The following TP63 variants were observed in gnomAD, a reference collection of about 807,000 sequenced individuals.
TP63 encodes the protein tumor protein 63.
In TP63, 17 loss-of-function variants were observed where a neutral mutation model predicts 82.8. That is an observed-to-expected ratio of 0.21 (90% CI 0.14 to 0.31). The LOEUF is 0.31. TP63 is among the 10% of genes least tolerant of loss of function. The pLI is 1.00. For missense variants in TP63, 648 were observed against 895.3 expected (o/e 0.72, Z 3.52); for synonymous variants, 330 against 321.7 (o/e 1.03, Z -0.28).
chr3:189,845,943 G>A (rs1005395286), intron 4 of TP63, among the ~76,000 whole-genome samples: 2 of 151,464 alleles, frequency 1.3e-5, no homozygotes, highest in Non-Finnish European at 2.9e-5. Flanking sequence ...AGGCAGGGAG[G>A]GTTTTGATTC....
chr3:189,623,828 A>G, the TP63 span, among the ~76,000 whole-genome samples: 2 of 145,392 alleles, frequency 1.4e-5, no homozygotes, highest in African/African-American at 2.5e-5. Context: ...CTAAAGGTCA[A>G]TTTATTTGGA....
intron 4 of TP63, among the ~76,000 whole-genome samples, chr3:189,857,102 C>T (rs1650567007): frequency 6.6e-6 from 1 of 152,058 alleles, no homozygotes; most frequent in Non-Finnish European, 1.5e-5. Flanking sequence ...TTGCAAGAAT[C>T]AGACTACCTG....
chr3:189,635,877 AATTG>A (rs1284014563), intron 1 of TP63, among the ~76,000 whole-genome samples: 1 of 152,124 alleles, frequency 6.6e-6, no homozygotes, highest in Non-Finnish European at 1.5e-5. Context: ...CTTCCAAAAT[AATTG>A]ATATAGTAAT....
chr3:189,808,390 C>G lies in TP63; in HGVS notation c.443C>G (p.Pro148Arg). 1 of 1,614,146 alleles carries G rather than the reference C, an allele frequency of 6.2e-7. No homozygotes were observed. The highest frequency in any genetic ancestry group is 8.5e-7 in the Non-Finnish European group (1 of 1,180,026). Residue 148 changes from proline (P) to arginine (R), a missense_variant, in exon 4 of 14, where the codon CCC becomes CGC. Physicochemically the swap from Pro to Arg is moderately radical, Grantham distance 103. Coordinates refer to ENST00000264731, the MANE Select transcript of TP63 (RefSeq NM_003722.5). ...HAQNSVTAPSPYAQPSSTFDA... is the reference protein window; with the variant it reads ...HAQNSVTAPSRYAQPSSTFDA... ...CAGAACAGCGTCACGGCGCCCTCGC[C>G]CTACGCACAGCCCAGCTCCACCTTC...
the TP63 span, among the ~76,000 whole-genome samples, chr3:189,610,005 A>G: frequency 6.6e-6 from 1 of 152,166 alleles, no homozygotes; most frequent in Non-Finnish European, 1.5e-5. Context: ...CCAACGGAGT[A>G]TGTGTTCCCT....
At chr3:189,601,565 A>G in the TP63 span, among the ~76,000 whole-genome samples, 2 of 130,056 alleles carry the variant, frequency 1.5e-5, no homozygotes, top group South Asian at 5.1e-4. Context: ...AAGAATCCTC[A>G]TTTTCTTGGA....
chr3:189,681,961 G>A (rs927295750), intron 1 of TP63, among the ~76,000 whole-genome samples: 3 of 152,176 alleles, frequency 2.0e-5, no homozygotes, highest in South Asian at 2.1e-4. Context: ...AGCTGAGCAC[G>A]GTGGCTCATG....
At chr3:189,745,401 A>T (rs1721288584) in intron 3 of TP63, among the ~76,000 whole-genome samples, 2 of 152,120 alleles carry the variant, frequency 1.3e-5, no homozygotes, top group South Asian at 4.1e-4. Flanking sequence ...TACCAAAGAG[A>T]TAGATATCAT....
intron 1 of TP63, among the ~76,000 whole-genome samples, chr3:189,651,460 C>A (rs772137553): frequency 6.9e-6 from 1 of 144,828 alleles, no homozygotes. Flanking sequence ...TCAGGAGAAT[C>A]GGTTGAACCC....
At chr3:189,840,986 T>C (rs1304797956) in intron 4 of TP63, among the ~76,000 whole-genome samples, 1 of 152,018 alleles carries the variant, frequency 6.6e-6, no homozygotes, top group Admixed American at 6.6e-5. Context: ...CTGTTGTAGG[T>C]CAGCAATATT....
At chr3:189,676,143 T>C (rs964370111) in intron 1 of TP63, among the ~76,000 whole-genome samples, 44 of 152,174 alleles carry the variant, frequency 2.9e-4, no homozygotes, top group African/African-American at 1.1e-3. Flanking sequence ...TCTCCTCATA[T>C]ACTTACCATT....
chr3:189,835,623 C>A (rs975441929), intron 4 of TP63, among the ~76,000 whole-genome samples: 6 of 152,058 alleles, frequency 3.9e-5, no homozygotes, highest in African/African-American at 1.4e-4. Flanking sequence ...TTAAAATGTT[C>A]CAAAAAAGTG....
At chr3:189,776,486 A>G (rs549432050) in intron 3 of TP63, among the ~76,000 whole-genome samples, 54 of 152,366 alleles carry the variant, frequency 3.5e-4, no homozygotes, top group African/African-American at 1.3e-3. Flanking sequence ...GCTTTCTATT[A>G]AAGGCTCACA....
At chr3:189,616,566 A>G in the TP63 span, among the ~76,000 whole-genome samples, 2 of 152,202 alleles carry the variant, frequency 1.3e-5, no homozygotes, top group African/African-American at 2.4e-5. Context: ...CATTGCTCAT[A>G]TAACTGCAGT....
chr3:189,652,064 A>T (rs1712940922), intron 1 of TP63, among the ~76,000 whole-genome samples: 1 of 146,556 alleles, frequency 6.8e-6, no homozygotes, highest in African/African-American at 2.6e-5. Flanking sequence ...AGTGGAAGGG[A>T]AATGTGGGGT....
At chr3:189,851,812 G>A (rs142506408) in intron 4 of TP63, among the ~76,000 whole-genome samples, 4 of 152,066 alleles carry the variant, frequency 2.6e-5, no homozygotes, top group African/African-American at 4.8e-5. Flanking sequence ...AGGCCACCCC[G>A]TGAAGGTGAA....
At chr3:189,749,240 G>A (rs974700247) in intron 3 of TP63, among the ~76,000 whole-genome samples, 2 of 151,890 alleles carry the variant, frequency 1.3e-5, no homozygotes, top group African/African-American at 2.4e-5. Context: ...GCAATTAATA[G>A]AACAAAGAAA....
intron 3 of TP63, among the ~76,000 whole-genome samples, chr3:189,759,629 G>A (rs762405332): frequency 6.6e-6 from 1 of 152,190 alleles, no homozygotes. Flanking sequence ...CGGGTCATAG[G>A]TGGACTCAAA....
intron 4 of TP63, chr3:189,829,835 CT>C (rs1384983891): frequency 3.0e-5 from 9 of 302,540 alleles, no homozygotes; most frequent in African/African-American, 1.9e-4. Flanking sequence ...AATATTAGCC[CT>C]TTTAATTATT....
Sources: gnomAD v4.1 joint callset for allele counts (sites outside exome capture counted in the v4.1 genomes callset) on GRCh38, gnomAD v4.1.1 for gene constraint, MANE v1.5 for transcripts, NCBI Gene and HGNC (gene_info 2026-07-23, HGNC 2026-07-21) for gene names.